PDE1A: variants seen among roughly 807,000 people sequenced by gnomAD.
The protein encoded by PDE1A is dual specificity calcium/calmodulin-dependent 3',5'-cyclic nucleotide phosphodiesterase 1A.
Under a neutral mutation model 61.7 loss-of-function variants are expected in PDE1A, and 35 were observed. The observed-to-expected ratio is 0.57, with a 90% CI of 0.43 to 0.75. PDE1A has a LOEUF of 0.75. Among genes scored for constraint, PDE1A ranks in the 30% least tolerant of loss-of-function variants. The probability of loss-of-function intolerance (pLI) is 0.00; values close to 1 mark genes in which losing one functional copy is unlikely to be tolerated. For synonymous variants in PDE1A, 232 were observed against 213.2 expected (o/e 1.09, Z -0.77); for missense variants, 597 against 630.6 (o/e 0.95, Z 0.57).
chr2:182,546,240 C>T, the PDE1A span, among the ~76,000 whole-genome samples: 1 of 152,262 alleles, frequency 6.6e-6, no homozygotes, highest in Admixed American at 6.5e-5. Context: ...GTCCAGCCTG[C>T]ATTCCCATTG....
At chr2:182,540,384 A>AGCAGC in the PDE1A span, among the ~76,000 whole-genome samples, 1 of 77,520 alleles carries the variant, frequency 1.3e-5, no homozygotes, top group Non-Finnish European at 3.2e-5. Context: ...AAAAAAAAAA[A>AGCAGC]AGCAGCAGCA....
intron 13 of PDE1A, among the ~76,000 whole-genome samples, chr2:182,169,659 C>T (rs1322226425): frequency 2.0e-5 from 3 of 152,014 alleles, no homozygotes; most frequent in Non-Finnish European, 4.4e-5. Context: ...CTAAGAGTTA[C>T]TCCAAGACAG....
chr2:182,702,760 T>C, the PDE1A span, among the ~76,000 whole-genome samples: 3 of 152,246 alleles, frequency 2.0e-5, no homozygotes, highest in Non-Finnish European at 4.4e-5. Context: ...ATTTTTGCTC[T>C]GAGTCAATCT....
rs114648011 is a variant in PDE1A, at chr2:182,286,353, T to C, written c.54-21939A>G. ...ATTTTCAATCAAGTTTTTTTTTATT[T>C]TATCTCCTGTATATGTTATCTGTTC... is the stretch of plus-strand genomic sequence containing the variant. On this transcript the variant is annotated intron_variant, in intron 1 of 13. Transcript: ENST00000351439. 8.8e-3 allele frequency among the ~76,000 whole-genome samples: 1,345 copies of C among 152,252 alleles called. 22 individuals carry two copies. Among genetic ancestry groups the C allele is most frequent in the African/African-American group, 0.03 (1,260 of 41,540 alleles).
At chr2:182,299,940 A>G (rs893529296) in intron 1 of PDE1A, among the ~76,000 whole-genome samples, 1 of 152,196 alleles carries the variant, frequency 6.6e-6, no homozygotes, top group African/African-American at 2.4e-5. Flanking sequence ...AGCAGCTAGC[A>G]ATAAGGACAA....
At chr2:182,226,055 T>C (rs1244890273) in intron 6 of PDE1A, among the ~76,000 whole-genome samples, 1 of 149,734 alleles carries the variant, frequency 6.7e-6, no homozygotes, top group Non-Finnish European at 1.5e-5. Context: ...GTTAAACTAG[T>C]TTTGTACCCT....
In PDE1A at chr2:182,522,297, AT is replaced by A; in HGVS notation, c.79del (p.Met27CysfsTer5). On this transcript the variant is annotated frameshift_variant, in exon 2 of 15. Transcript: ENST00000410103. LOFTEE classifies it high-confidence loss of function. ...TCACATTCCTTTCAGGCGCTGCCAC[AT>A]TTTTTCAGTCTGTTCTCCTGTAAGA... The A allele has an allele frequency of 6.2e-7, 1 of 1,613,482 alleles. No homozygotes were observed. Among genetic ancestry groups the A allele is most frequent in the African/African-American group, 1.3e-5 (1 of 74,998 alleles).
the PDE1A span, among the ~76,000 whole-genome samples, chr2:182,592,882 T>C: frequency 6.6e-6 from 1 of 152,184 alleles, no homozygotes; most frequent in Non-Finnish European, 1.5e-5. Flanking sequence ...TGTACTTGAA[T>C]CTGCTAATCC....
intron 13 of PDE1A, among the ~76,000 whole-genome samples, chr2:182,154,920 T>C (rs537962105): frequency 6.6e-6 from 1 of 152,224 alleles, no homozygotes; most frequent in South Asian, 2.1e-4. Context: ...TAACAAATTA[T>C]TTTTCAAGTT....
At chr2:182,291,885 T>A (rs796373936) in intron 1 of PDE1A, among the ~76,000 whole-genome samples, 1 of 152,150 alleles carries the variant, frequency 6.6e-6, no homozygotes, top group Non-Finnish European at 1.5e-5. Flanking sequence ...AATATTTGTA[T>A]GCAATTTGGA....
chr2:182,160,531 G>C (rs1032898005), intron 13 of PDE1A, among the ~76,000 whole-genome samples: 2 of 152,140 alleles, frequency 1.3e-5, no homozygotes, highest in Non-Finnish European at 2.9e-5. Context: ...TTGGACACCA[G>C]ACTCCAGGTT....
the PDE1A span, among the ~76,000 whole-genome samples, chr2:182,649,801 G>C: frequency 6.6e-6 from 1 of 151,958 alleles, no homozygotes; most frequent in African/African-American, 2.4e-5. Context: ...GTAGAAACAG[G>C]GTTTCACCAT....
At chr2:182,190,785 G>A (rs552335543) in intron 10 of PDE1A, among the ~76,000 whole-genome samples, 16 of 151,984 alleles carry the variant, frequency 1.1e-4, no homozygotes, top group African/African-American at 3.4e-4. Flanking sequence ...GTGAAACACC[G>A]TCTCTACTAT....
At chr2:182,479,579 T>G (rs1217631519) in intron 2 of PDE1A, among the ~76,000 whole-genome samples, 1 of 151,772 alleles carries the variant, frequency 6.6e-6, no homozygotes, top group Admixed American at 6.6e-5. Flanking sequence ...GACACATGAC[T>G]GATTTTGATC....
At chr2:182,593,367 T>C in the PDE1A span, among the ~76,000 whole-genome samples, 1 of 152,164 alleles carries the variant, frequency 6.6e-6, no homozygotes, top group Non-Finnish European at 1.5e-5. Context: ...AGAACAGATA[T>C]TGTCAAGAAT....
chr2:182,577,044 T>C, the PDE1A span, among the ~76,000 whole-genome samples: 6 of 152,240 alleles, frequency 3.9e-5, no homozygotes, highest in Non-Finnish European at 8.8e-5. Flanking sequence ...CTTTCTCTAT[T>C]GATTGTATTA....
At chr2:182,237,300 C>G (rs1690098597) in intron 3 of PDE1A, among the ~76,000 whole-genome samples, 2 of 152,096 alleles carry the variant, frequency 1.3e-5, no homozygotes. Context: ...CGAGACTAGC[C>G]TGGCCAACAT....
chr2:182,553,717 TC>T, the PDE1A span, among the ~76,000 whole-genome samples: 2 of 152,192 alleles, frequency 1.3e-5, no homozygotes, highest in African/African-American at 2.4e-5. Context: ...ACAGGAGGTT[TC>T]ATTTAAACTG....
At chr2:182,626,786 T>C in the PDE1A span, among the ~76,000 whole-genome samples, 17 of 5,532 alleles carry the variant, frequency 3.1e-3, 1 homozygote, top group South Asian at 7.5e-3. Flanking sequence ...TATATACATA[T>C]ATATACATAT....
Sources: allele counts gnomAD v4.1 joint callset (sites outside exome capture counted in the v4.1 genomes callset), GRCh38; gene constraint gnomAD v4.1.1; transcripts MANE v1.5; gene names NCBI Gene and HGNC (gene_info 2026-07-23, HGNC 2026-07-21).